Variants in PCDHA7 observed in about 807,000 individuals in gnomAD.
PCDHA7 encodes protocadherin alpha-7.
A neutral mutation model predicts 57.2 loss-of-function variants in PCDHA7; 37 were observed. The observed-to-expected ratio is 0.65, with a 90% CI of 0.50 to 0.85. PCDHA7 has a LOEUF of 0.85. Among genes scored for constraint, PCDHA7 ranks in the 40% least tolerant of loss-of-function variants. The probability of loss-of-function intolerance (pLI) is 0.00; values close to 1 mark genes in which losing one functional copy is unlikely to be tolerated. For synonymous variants in PCDHA7, 553 were observed against 558.8 expected, an observed-to-expected ratio of 0.99 and a Z score of 0.15; for missense variants, 1,188 against 1,241.8, an observed-to-expected ratio of 0.96 and a Z score of 0.65.
At chr5:140,877,575 C>T (rs1244471489) in intron 1 of PCDHA7, 1 of 1,613,826 alleles carries the variant, frequency 6.2e-7, no homozygotes, top group Non-Finnish European at 8.5e-7. Context: ...TGTACCTCAT[C>T]ATCGCCATCT....
At chr5:140,907,181 A>T (rs1216886799) in intron 1 of PCDHA7, among the ~76,000 whole-genome samples, 3 of 152,220 alleles carry the variant, frequency 2.0e-5, no homozygotes, top group African/African-American at 7.2e-5. Context: ...GATTCAGAGC[A>T]TACACAACCT....
At chr5:140,858,446 T>G (rs782631209) in intron 1 of PCDHA7, 6 of 1,533,560 alleles carry the variant, frequency 3.9e-6, no homozygotes, top group Non-Finnish European at 5.3e-6. Flanking sequence ...GGTGGGTTAT[T>G]ACGTTTTCAT....
intron 3 of PCDHA7, among the ~76,000 whole-genome samples, chr5:140,995,133 T>C (rs1397108502): frequency 6.6e-6 from 1 of 152,230 alleles, no homozygotes; most frequent in Non-Finnish European, 1.5e-5. Flanking sequence ...TGAAACCTCA[T>C]TTAGTACTGA....
At chr5:140,842,644 G>C in intron 1 of PCDHA7, 1 of 1,595,462 alleles carries the variant, frequency 6.3e-7, no homozygotes, top group African/African-American at 1.3e-5. Context: ...CCGCCAGCTT[G>C]TCTGTGGAGG....
chr5:140,858,005 C>T, intron 1 of PCDHA7: 1 of 1,596,884 alleles, frequency 6.3e-7, no homozygotes, highest in East Asian at 2.2e-5. Flanking sequence ...GGTGAAGGAC[C>T]ATGGCGAGCC....
chr5:140,834,554 G>C lies in PCDHA7; in HGVS notation c.171G>C (p.Ala57=). Residue 57 remains alanine, a synonymous_variant, in exon 1 of 4, where the codon GCG becomes GCC. Coordinates refer to ENST00000525929, the MANE Select transcript of PCDHA7 (RefSeq NM_018910.3). ...RIAQDLGLEL[A]ELVPRLFRAV... ...CGCAGGACCTGGGGCTGGAGCTGGC[G>C]GAGCTGGTGCCGCGCCTGTTCCGGG... The C allele has an allele frequency of 1.2e-6, 2 of 1,614,092 alleles. No individual in the cohort carries two copies. Among genetic ancestry groups the C allele is most frequent in the South Asian group, 2.2e-5 (2 of 91,074 alleles).
chr5:140,944,664 T>A (rs2093679523), intron 1 of PCDHA7, among the ~76,000 whole-genome samples: 1 of 152,202 alleles, frequency 6.6e-6, no homozygotes, highest in South Asian at 2.1e-4. Context: ...ACCCCTTATT[T>A]ATCTATTCTG....
At chr5:140,869,732 T>C (rs782783003) in intron 1 of PCDHA7, 2 of 1,613,412 alleles carry the variant, frequency 1.2e-6, no homozygotes, top group Non-Finnish European at 1.7e-6. Flanking sequence ...GAACTTAATT[T>C]GCTGCTAACA....
intron 1 of PCDHA7, chr5:140,869,913 C>T (rs782111162): frequency 3.7e-6 from 6 of 1,610,754 alleles, no homozygotes; most frequent in Non-Finnish European, 5.1e-6. Flanking sequence ...CAGACCGAGA[C>T]GAAGGAGTCA....
At chr5:140,966,654 T>G (rs1048894569) in intron 1 of PCDHA7, 2 of 1,185,100 alleles carry the variant, frequency 1.7e-6, no homozygotes, top group Non-Finnish European at 2.2e-6. Flanking sequence ...GCGTGAGCGG[T>G]GGGGGAGCAG....
At chr5:140,995,106 G>C (rs1318120210) in intron 3 of PCDHA7, among the ~76,000 whole-genome samples, 6 of 152,180 alleles carry the variant, frequency 3.9e-5, no homozygotes, top group East Asian at 1.9e-4. Context: ...TACATTCCAA[G>C]ACCCTCAGTG....
intron 1 of PCDHA7, chr5:140,870,265 C>G (rs782376161): frequency 6.2e-7 from 1 of 1,614,214 alleles, no homozygotes; most frequent in Non-Finnish European, 8.5e-7. Flanking sequence ...GACCTGCTCG[C>G]TGACGCCCCA....
chr5:141,001,126 C>A (rs2097993222), intron 3 of PCDHA7, among the ~76,000 whole-genome samples: 1 of 151,970 alleles, frequency 6.6e-6, no homozygotes, highest in African/African-American at 2.4e-5. Context: ...AGTCCTTAAA[C>A]AAATGAATCT....
intron 1 of PCDHA7, chr5:140,841,176 A>C (rs1194944312): frequency 9.2e-6 from 10 of 1,081,656 alleles, no homozygotes; most frequent in East Asian, 2.6e-5. Flanking sequence ...TGGTTGGTCA[A>C]TGTTCAAAGT....
chr5:140,941,185 C>CTTTTT (rs782102770), intron 1 of PCDHA7, among the ~76,000 whole-genome samples: 1 of 102,242 alleles, frequency 9.8e-6, no homozygotes, highest in African/African-American at 3.6e-5. Context: ...CATCCTGCTT[C>CTTTTT]TTTTTTTTTC....
At chr5:140,864,602 A>T (rs1472168357) in intron 1 of PCDHA7, 2 of 152,210 alleles carry the variant, frequency 1.3e-5, no homozygotes, top group African/African-American at 4.8e-5. Flanking sequence ...CAGATAGCCA[A>T]CAACTTTGTT....
rs1301631971 is a variant in PCDHA7, at chr5:141,011,367, C to G, written c.*1430C>G. ...CAATCTCCCATATGTATGCTGTATG[C>G]TATGCTAAGACTCCTGAAATATACT... On this transcript the variant is annotated 3_prime_UTR_variant, in exon 4 of 4. Transcript: ENST00000525929. The G allele has an allele frequency of 1.3e-5, 2 of 153,830 alleles. No homozygotes were observed. The highest frequency in any genetic ancestry group is 1.3e-4 in the Admixed American group (2 of 15,298). 9.5% of individuals were successfully genotyped at this position (153,830 alleles called of 1,614,324 possible). A position where few individuals can be genotyped will look rare whatever the true frequency, so the allele number is the denominator to read the frequency against.
At chr5:140,986,530 G>C (rs1341824536) in intron 3 of PCDHA7, among the ~76,000 whole-genome samples, 1 of 152,162 alleles carries the variant, frequency 6.6e-6, no homozygotes, top group African/African-American at 2.4e-5. Context: ...GAGGGAACTG[G>C]CCTGGCTTCA....
chr5:140,928,109 A>G (rs1472439079), intron 1 of PCDHA7: 1 of 1,614,104 alleles, frequency 6.2e-7, no homozygotes, highest in Middle Eastern at 1.6e-4. Flanking sequence ...CTGGACCGGG[A>G]GCAGATCAGT....
Sources: gnomAD v4.1 joint callset for allele counts (sites outside exome capture counted in the v4.1 genomes callset) on GRCh38, gnomAD v4.1.1 for gene constraint, MANE v1.5 for transcripts, NCBI Gene and HGNC (gene_info 2026-07-23, HGNC 2026-07-21) for gene names.